The following ADK variants were observed in gnomAD, a reference collection of about 807,000 sequenced individuals.
The protein encoded by ADK is N6,N6-dimethyladenosine kinase.
In ADK, 24 loss-of-function variants were observed where a neutral mutation model predicts 44.7. The ratio of observed to expected loss-of-function variants is 0.54; its 90% CI spans 0.39 to 0.76. The LOEUF (loss-of-function observed/expected upper bound fraction) is 0.76, where lower values mean the gene tolerates loss of function less well. Among genes scored for constraint, ADK ranks in the 30% least tolerant of loss-of-function variants. The pLI is 0.00. For missense variants in ADK, 321 were observed against 425.1 expected (o/e 0.76, Z 2.15); for synonymous variants, 128 against 142.6 (o/e 0.90, Z 0.73).
chr10:74,403,479 A>T (rs1249236086), intron 6 of ADK, among the ~76,000 whole-genome samples: 1 of 152,042 alleles, frequency 6.6e-6, no homozygotes, highest in Non-Finnish European at 1.5e-5. Flanking sequence ...GCTTCCCTGC[A>T]GTTGATCTGA....
At chr10:74,287,172 A>C (rs145218253) in intron 3 of ADK, among the ~76,000 whole-genome samples, 1 of 152,180 alleles carries the variant, frequency 6.6e-6, no homozygotes, top group African/African-American at 2.4e-5. Context: ...ATCGCTCAAG[A>C]TAAATCTCTT....
At chr10:74,591,241 A>G (rs1851706063) in intron 8 of ADK, among the ~76,000 whole-genome samples, 1 of 152,076 alleles carries the variant, frequency 6.6e-6, no homozygotes, top group South Asian at 2.1e-4. Context: ...TTACTTACTG[A>G]TTCTTGAATT....
chr10:74,666,163 A>T (rs1281931334), intron 9 of ADK, among the ~76,000 whole-genome samples: 1 of 152,186 alleles, frequency 6.6e-6, no homozygotes, highest in Non-Finnish European at 1.5e-5. Flanking sequence ...ATGCATGAAG[A>T]TGTTTTTATT....
chr10:74,450,786 G>A (rs1348557695), intron 6 of ADK, among the ~76,000 whole-genome samples: 1 of 152,120 alleles, frequency 6.6e-6, no homozygotes, highest in African/African-American at 2.4e-5. Context: ...ATGAAAGAAA[G>A]CAGCTGTAGT....
chr10:74,491,993 A>G (rs1290023172), intron 6 of ADK, among the ~76,000 whole-genome samples: 2 of 152,180 alleles, frequency 1.3e-5, no homozygotes, highest in Non-Finnish European at 2.9e-5. Context: ...AAATAGCAAA[A>G]CTAGTTTAAT....
chr10:74,700,830 A>G (rs1856394639), intron 10 of ADK, among the ~76,000 whole-genome samples: 1 of 152,210 alleles, frequency 6.6e-6, no homozygotes, highest in African/African-American at 2.4e-5. Context: ...TTAATGTTCT[A>G]CATATTTTTT....
intron 10 of ADK, among the ~76,000 whole-genome samples, chr10:74,704,899 T>C (rs1447206952): frequency 6.6e-6 from 1 of 152,244 alleles, no homozygotes; most frequent in Non-Finnish European, 1.5e-5. Flanking sequence ...AAAGTTAATA[T>C]TGACTTTTGA....
intron 6 of ADK, among the ~76,000 whole-genome samples, chr10:74,407,208 G>A (rs532558022): frequency 9.2e-5 from 14 of 152,076 alleles, no homozygotes; most frequent in African/African-American, 1.2e-4. Context: ...TGCCTGTCTC[G>A]ACCTCCCAAA....
intron 9 of ADK, among the ~76,000 whole-genome samples, chr10:74,644,358 G>A (rs1853984281): frequency 6.6e-6 from 1 of 152,144 alleles, no homozygotes; most frequent in Admixed American, 6.5e-5. Flanking sequence ...AGTTAAGAGG[G>A]GCAATGGATA....
At chr10:74,678,666 G>A (rs1041670015) in intron 10 of ADK, among the ~76,000 whole-genome samples, 1 of 152,192 alleles carries the variant, frequency 6.6e-6, no homozygotes, top group Non-Finnish European at 1.5e-5. Context: ...GATGATTATT[G>A]AGAAATATTT....
At chr10:74,630,147 G>C (rs1490771587) in intron 9 of ADK, among the ~76,000 whole-genome samples, 1 of 151,992 alleles carries the variant, frequency 6.6e-6, no homozygotes, top group East Asian at 1.9e-4. Context: ...CCTTCATCCA[G>C]CTTTCCCAAA....
At chr10:74,691,208 T>G (rs1855977215) in intron 10 of ADK, among the ~76,000 whole-genome samples, 1 of 152,092 alleles carries the variant, frequency 6.6e-6, no homozygotes, top group Non-Finnish European at 1.5e-5. Flanking sequence ...CTAAGAAAGA[T>G]GGAAAATAAA....
intron 3 of ADK, among the ~76,000 whole-genome samples, chr10:74,245,975 C>T (rs968914499): frequency 5.9e-5 from 9 of 152,104 alleles, no homozygotes; most frequent in Admixed American, 5.9e-4. Flanking sequence ...AATCTCATAT[C>T]ACAGTTATGA....
Position 74,204,703 on chromosome 10 carries a change from AC to A in ADK, c.140+3866del, listed in dbSNP as rs1350428794. 3.9e-5 allele frequency among the ~76,000 whole-genome samples: 6 copies of A among 152,300 alleles called. No homozygotes were observed. The South Asian group carries it at 1.2e-3, about 32-fold the overall frequency. On this transcript the variant is annotated intron_variant, in intron 2 of 10. Transcript: ENST00000539909. ...ATTTTAGTTCTTTTGGTTACCTTGT[AC>A]TTTTAAATAATATACTATACTTACA...
intron 3 of ADK, among the ~76,000 whole-genome samples, chr10:74,262,888 T>G (rs1401496584): frequency 4.6e-5 from 7 of 152,238 alleles, no homozygotes; most frequent in Admixed American, 4.6e-4. Flanking sequence ...TGAATACATT[T>G]ACTAGCTTTT....
chr10:74,189,903 A>G (rs1010347791), intron 1 of ADK, among the ~76,000 whole-genome samples: 2 of 152,090 alleles, frequency 1.3e-5, no homozygotes, highest in African/African-American at 4.8e-5. Flanking sequence ...CAAAGTTCAT[A>G]CATGTTGTAG....
At chr10:74,438,294 G>A (rs912920998) in intron 6 of ADK, among the ~76,000 whole-genome samples, 8 of 149,712 alleles carry the variant, frequency 5.3e-5, no homozygotes, top group African/African-American at 1.5e-4. Flanking sequence ...ACGCCATCTC[G>A]GCTCACTGCA....
chr10:74,485,005 C>A (rs1005464795), intron 6 of ADK, among the ~76,000 whole-genome samples: 2 of 151,330 alleles, frequency 1.3e-5, no homozygotes, highest in African/African-American at 4.9e-5. Context: ...AAGCAGGACA[C>A]AAAAGCATAA....
chr10:74,331,467 A>G (rs1841215068), intron 4 of ADK, among the ~76,000 whole-genome samples: 1 of 152,168 alleles, frequency 6.6e-6, no homozygotes, highest in Non-Finnish European at 1.5e-5. Context: ...ACTAGTAAAC[A>G]TTAGTCTACA....
Sources: gnomAD v4.1 joint callset for allele counts (sites outside exome capture counted in the v4.1 genomes callset) on GRCh38, gnomAD v4.1.1 for gene constraint, MANE v1.5 for transcripts, NCBI Gene and HGNC (gene_info 2026-07-23, HGNC 2026-07-21) for gene names.